Variants in GRIPAP1 observed in about 807,000 individuals in gnomAD.
The protein encoded by GRIPAP1 is GRIP1-associated protein 1.
In GRIPAP1, 14 loss-of-function variants were observed where a neutral mutation model predicts 84.1. That is an observed-to-expected ratio of 0.17 (90% CI 0.11 to 0.26). GRIPAP1 has a LOEUF of 0.26. Among genes scored for constraint, GRIPAP1 ranks in the 10% least tolerant of loss-of-function variants. GRIPAP1 has a pLI of 1.00. For missense variants in GRIPAP1, 518 were observed against 674.2 expected, an observed-to-expected ratio of 0.77 and a Z score of 2.57; for synonymous variants, 261 against 256.8, an observed-to-expected ratio of 1.02 and a Z score of -0.15.
intron 14 of GRIPAP1, among the ~76,000 whole-genome samples, chrX:48,984,881 G>T (rs2064478695): frequency 9.3e-6 from 1 of 107,992 alleles, no homozygotes. Context: ...AATTAGCTGG[G>T]CATGGTGGCA....
At chrX:48,997,189 G>A (rs1437369245) in intron 5 of GRIPAP1, 61 bp downstream of exon 5, 2 of 637,187 alleles carry the variant, frequency 3.1e-6, no homozygotes, top group Admixed American at 5.4e-5. Flanking sequence ...GCCGCTGTTA[G>A]GTTTCAGCCC....
At chrX:48,993,713 C>T (rs2064532087) in intron 5 of GRIPAP1, 135 bp from the exon 6 acceptor site, 1 of 410,610 alleles carries the variant, frequency 2.4e-6, no homozygotes, top group South Asian at 7.3e-5. Context: ...TGCCCTCCCA[C>T]TTTACAAATA....
intron 5 of GRIPAP1, among the ~76,000 whole-genome samples, chrX:48,995,559 A>G (rs2064542945): frequency 9.0e-6 from 1 of 111,561 alleles, no homozygotes; most frequent in Non-Finnish European, 1.9e-5. Flanking sequence ...TAAGTGGTAG[A>G]GGCTAAGGCA....
chrX:48,993,683 T>A, intron 5 of GRIPAP1, 105 bp from the exon 6 acceptor site: 2 of 585,764 alleles, frequency 3.4e-6, no homozygotes, highest in Non-Finnish European at 2.4e-6. Context: ...TTAATTCCCA[T>A]AATGACCCTA....
At chrX:48,992,800 T>C (rs2064526983) in intron 6 of GRIPAP1, among the ~76,000 whole-genome samples, 1 of 111,433 alleles carries the variant, frequency 9.0e-6, no homozygotes, top group Non-Finnish European at 1.9e-5. Flanking sequence ...CAACACTCCA[T>C]TCACTTTTTC....
In GRIPAP1 at chrX:48,989,902, T is replaced by C; in HGVS notation, c.723-20A>G. On this transcript the variant is annotated intron_variant, in intron 9 of 25. Coordinates refer to ENST00000376423, the MANE Select transcript of GRIPAP1 (RefSeq NM_020137.5). ...CAAAAACTGGGCACAGAAGGACAGA[T>C]GTAGATGGGTCAGTTCCGTAAGTTA... is the stretch of plus-strand genomic sequence containing the variant. 1 of 1,206,384 alleles carries C rather than the reference T, an allele frequency of 8.3e-7. No homozygotes were observed. The highest frequency in any genetic ancestry group is 1.1e-6 in the Non-Finnish European group (1 of 890,752).
At chrX:48,988,283 G>T in intron 11 of GRIPAP1, 85 bp from the exon 12 acceptor site, 1 of 652,783 alleles carries the variant, frequency 1.5e-6, no homozygotes. Flanking sequence ...TGACCACCCA[G>T]CAGCATGTTC....
chrX:48,984,162 G>A (rs1883065365), intron 14 of GRIPAP1, among the ~76,000 whole-genome samples: 1 of 111,323 alleles, frequency 9.0e-6, no homozygotes, highest in East Asian at 2.8e-4. Flanking sequence ...TGGAAGTGGT[G>A]AGTGTAATTT....
At chrX:48,975,562 G>A in intron 24 of GRIPAP1, 1 of 371,380 alleles carries the variant, frequency 2.7e-6, no homozygotes, top group Non-Finnish European at 4.6e-6. Flanking sequence ...AGAGCACACA[G>A]AAAGTCCTCA....
chrX:48,992,846 A>G (rs1368383911), intron 6 of GRIPAP1, among the ~76,000 whole-genome samples: 2 of 109,440 alleles, frequency 1.8e-5, no homozygotes, highest in African/African-American at 6.7e-5. Context: ...TTTGAGATGG[A>G]GTCTCGCTCT....
At chrX:48,994,224 T>C (rs1377658371) in intron 5 of GRIPAP1, among the ~76,000 whole-genome samples, 130 of 97,147 alleles carry the variant, frequency 1.3e-3, no homozygotes, top group Middle Eastern at 5.1e-3. Flanking sequence ...TCTTTCTTTT[T>C]TTTTTTTTTT....
At chrX:48,992,869 G>A (rs1042469413) in intron 6 of GRIPAP1, among the ~76,000 whole-genome samples, 2 of 110,003 alleles carry the variant, frequency 1.8e-5, no homozygotes, top group Non-Finnish European at 3.8e-5. Flanking sequence ...CGCCCAGGCT[G>A]GAGTGCAGTG....
chrX:48,978,191 T>G, intron 22 of GRIPAP1, 114 bp downstream of exon 22: 1 of 820,510 alleles, frequency 1.2e-6, no homozygotes, highest in Non-Finnish European at 1.7e-6. Flanking sequence ...GACAAGAAAA[T>G]ATGTGTGCTG....
At chrX:48,997,433 G>A in intron 4 of GRIPAP1, 76 bp from the exon 5 acceptor site, 1 of 586,267 alleles carries the variant, frequency 1.7e-6, no homozygotes, top group South Asian at 2.4e-5. Context: ...AACAGAGAGA[G>A]GGAGAAAATG....
intron 7 of GRIPAP1, 58 bp downstream of exon 7, chrX:48,990,868 A>C: frequency 2.9e-6 from 3 of 1,039,166 alleles, no homozygotes; most frequent in Non-Finnish European, 4.0e-6. Context: ...GACTATAGAC[A>C]GAGGTAGAAC....
At chrX:48,978,486 G>C in intron 21 of GRIPAP1, 51 bp from the exon 22 acceptor site, 3 of 1,091,296 alleles carry the variant, frequency 2.7e-6, no homozygotes, top group Non-Finnish European at 2.4e-6. Context: ...CTGAGTCCCA[G>C]GGCAGCAACC....
At chrX:48,979,906 T>C (rs1269849463) in intron 21 of GRIPAP1, among the ~76,000 whole-genome samples, 1 of 111,556 alleles carries the variant, frequency 9.0e-6, no homozygotes, top group Non-Finnish European at 1.9e-5. Flanking sequence ...CCCAAGATTC[T>C]TACATTCATC....
chrX:48,990,609 GC>G (rs2064514591), intron 8 of GRIPAP1, 75 bp downstream of exon 8: 1 of 852,986 alleles, frequency 1.2e-6, no homozygotes, highest in Non-Finnish European at 1.7e-6. Flanking sequence ...TGCCCCTTCT[GC>G]CCTAGGATTG....
intron 5 of GRIPAP1, among the ~76,000 whole-genome samples, chrX:48,994,954 G>A (rs782547792): frequency 8.9e-6 from 1 of 111,959 alleles, no homozygotes; most frequent in African/African-American, 3.2e-5. Context: ...ATCACTACTA[G>A]TATTATTTGT....
Sources: gnomAD v4.1 joint callset for allele counts (sites outside exome capture counted in the v4.1 genomes callset) on GRCh38, gnomAD v4.1.1 for gene constraint, MANE v1.5 for transcripts, NCBI Gene and HGNC (gene_info 2026-07-23, HGNC 2026-07-21) for gene names.